PAK2: variants seen among roughly 807,000 people sequenced by gnomAD.
The protein encoded by PAK2 is p21 (RAC1) activated kinase 2.
In PAK2, 21 loss-of-function variants were observed where a neutral mutation model predicts 65.9. The ratio of observed to expected loss-of-function variants is 0.32; its 90% CI spans 0.23 to 0.46. The LOEUF (loss-of-function observed/expected upper bound fraction) is 0.46, where lower values mean the gene tolerates loss of function less well. Ranked by LOEUF, PAK2 falls within the 20% of genes least tolerant of loss-of-function variation. The pLI, the probability that PAK2 is intolerant of heterozygous loss-of-function variation, is 1.00. For synonymous variants in PAK2, 204 were observed against 219.7 expected (o/e 0.93, Z 0.63); for missense variants, 324 against 642.6 (o/e 0.50, Z 5.36).
At chr3:196,803,570 A>C (rs1715484706) in intron 4 of PAK2, among the ~76,000 whole-genome samples, 1 of 152,234 alleles carries the variant, frequency 6.6e-6, no homozygotes, top group Non-Finnish European at 1.5e-5. Flanking sequence ...GTTGAACTAA[A>C]AAATGTTTAG....
intron 1 of PAK2, among the ~76,000 whole-genome samples, chr3:196,778,236 G>C (rs1714597976): frequency 6.6e-6 from 1 of 151,994 alleles, no homozygotes; most frequent in African/African-American, 2.4e-5. Flanking sequence ...ACTTCTTTTT[G>C]CGGCCAAACA....
chr3:196,803,454 C>T (rs1461907731), intron 4 of PAK2, among the ~76,000 whole-genome samples: 2 of 151,856 alleles, frequency 1.3e-5, no homozygotes, highest in East Asian at 3.9e-4. Flanking sequence ...TTTCATTTTT[C>T]ACTCTTCACT....
chr3:196,825,598 G>T (rs776764202), intron 13 of PAK2, among the ~76,000 whole-genome samples: 1 of 145,832 alleles, frequency 6.9e-6, no homozygotes, highest in Non-Finnish European at 1.5e-5. Flanking sequence ...AGCTGAGATC[G>T]TGCCATTGCA....
intron 1 of PAK2, among the ~76,000 whole-genome samples, chr3:196,745,616 C>T (rs1713349594): frequency 6.6e-6 from 1 of 152,090 alleles, no homozygotes; most frequent in Non-Finnish European, 1.5e-5. Context: ...CAGTTGGAAA[C>T]AGCCTAACCA....
At chr3:196,773,450 A>C (rs1714423456) in intron 1 of PAK2, among the ~76,000 whole-genome samples, 1 of 152,182 alleles carries the variant, frequency 6.6e-6, no homozygotes, top group South Asian at 2.1e-4. Flanking sequence ...CAATTCACAC[A>C]CAAAAAATAC....
chr3:196,769,816 CAAAAAAGA>C (rs752494040), intron 1 of PAK2, among the ~76,000 whole-genome samples: 1 of 151,232 alleles, frequency 6.6e-6, no homozygotes, highest in African/African-American at 2.4e-5. Flanking sequence ...GACTCTGTCT[CAAAAAAGA>C]AAAAGAAAAA....
At chr3:196,817,089 T>A (rs1175397803) in intron 11 of PAK2, among the ~76,000 whole-genome samples, 1 of 152,056 alleles carries the variant, frequency 6.6e-6, no homozygotes, top group East Asian at 1.9e-4. Context: ...TTGAAAAGAT[T>A]TCTGAGGAGC....
At chr3:196,781,878 C>A (rs765402251) in intron 1 of PAK2, among the ~76,000 whole-genome samples, 1 of 151,988 alleles carries the variant, frequency 6.6e-6, no homozygotes, top group African/African-American at 2.4e-5. Flanking sequence ...CCAAGGTGGG[C>A]GGATCACCTG....
chr3:196,826,331 C>A (rs956388159), intron 13 of PAK2, among the ~76,000 whole-genome samples: 19 of 151,942 alleles, frequency 1.3e-4, no homozygotes, highest in African/African-American at 4.4e-4. Context: ...ACCACCACGC[C>A]CGGCTAATTT....
rs1303561196 is a variant in PAK2 at position 196,806,648 on chromosome 3, C to T, written c.538C>T (p.Pro180Ser). 1 of 1,612,744 alleles carries T rather than the reference C, an allele frequency of 6.2e-7. No homozygotes were observed. Among genetic ancestry groups the T allele is most frequent in the Non-Finnish European group, 8.5e-7 (1 of 1,178,794 alleles). Reference sequence around the variant, plus strand: ...GGAGGATGATGATGAAGAGACTGCTCCTCCCGTTATTGCCCCGCGACCGGA... The same window carrying T: ...GGAGGATGATGATGAAGAGACTGCTTCTCCCGTTATTGCCCCGCGACCGGA... ...EEEDDDEETAPPVIAPRPDHT... is the reference protein window; with the variant it reads ...EEEDDDEETASPVIAPRPDHT... The change falls in exon 6 of 15, where the codon CCT becomes TCT. Residue 180 changes from proline to serine, a missense_variant. Coordinates refer to ENST00000327134, the MANE Select transcript of PAK2 (RefSeq NM_002577.4).
chr3:196,767,790 G>A (rs1168409737), intron 1 of PAK2, among the ~76,000 whole-genome samples: 2 of 151,954 alleles, frequency 1.3e-5, no homozygotes, highest in Non-Finnish European at 2.9e-5. Flanking sequence ...CACCGTGCCC[G>A]GCTGAAATAC....
At chr3:196,773,270 T>G (rs1239510044) in intron 1 of PAK2, among the ~76,000 whole-genome samples, 3 of 152,238 alleles carry the variant, frequency 2.0e-5, no homozygotes, top group Admixed American at 2.0e-4. Context: ...CTCTTTTTTT[T>G]GTAAAACATT....
intron 13 of PAK2, among the ~76,000 whole-genome samples, chr3:196,824,761 T>C (rs1446309454): frequency 2.0e-5 from 3 of 151,694 alleles, no homozygotes; most frequent in Non-Finnish European, 4.4e-5. Context: ...CAGGAGGATC[T>C]CTTGACCCCA....
chr3:196,761,956 C>CAGCTGCCGGGT (rs1713988670), intron 1 of PAK2, among the ~76,000 whole-genome samples: 1 of 127,306 alleles, frequency 7.9e-6, no homozygotes, highest in Non-Finnish European at 1.7e-5. Flanking sequence ...AGCTGCCGGG[C>CAGCTGCCGGGT]GGAGGGGCTC....
intron 1 of PAK2, among the ~76,000 whole-genome samples, chr3:196,770,831 C>T (rs944317343): frequency 3.9e-5 from 6 of 151,956 alleles, no homozygotes; most frequent in Non-Finnish European, 8.8e-5. Context: ...CTATGTTGAC[C>T]AGGCTGGTCT....
At chr3:196,787,730 A>T (rs1228797898) in intron 2 of PAK2, among the ~76,000 whole-genome samples, 4 of 152,152 alleles carry the variant, frequency 2.6e-5, no homozygotes, top group African/African-American at 9.7e-5. Flanking sequence ...TCAGTCTCAG[A>T]GAGACAGAGA....
Position 196,820,693 on chromosome 3 carries a change from T to TAA in PAK2, c.1350+127_1350+128dup. Reference sequence around the variant, plus strand: ...GTTGATAAAACCTAATCTCTGCCCCTAACTCTGCATCTAGAAATCATTTGC... The same window carrying TAA: ...GTTGATAAAACCTAATCTCTGCCCCTAAAACTCTGCATCTAGAAATCATTTGC... On this transcript the variant is annotated intron_variant, in intron 13 of 14. Coordinates refer to ENST00000327134, the MANE Select transcript of PAK2 (RefSeq NM_002577.4). This position sits in a 1 kb window ranked among gnomAD's most constrained non-coding sequence, Gnocchi z 4.6. The TAA allele has an allele frequency of 2.1e-6, 1 of 472,712 alleles. No individual in the cohort carries two copies. Among genetic ancestry groups the TAA allele is most frequent in the Non-Finnish European group, 3.7e-6 (1 of 267,274 alleles). The allele number at this position is 472,712 out of a possible 1,614,324, so 29.3% of individuals were successfully genotyped here. A position where few individuals can be genotyped will look rare whatever the true frequency, so the allele number is the denominator to read the frequency against.
At chr3:196,775,043 T>C (rs1352950884) in intron 1 of PAK2, among the ~76,000 whole-genome samples, 1 of 152,210 alleles carries the variant, frequency 6.6e-6, no homozygotes, top group African/African-American at 2.4e-5. Flanking sequence ...GAGGCATCAG[T>C]ATTGTATCCA....
chr3:196,740,962 A>G (rs1713172095), intron 1 of PAK2, among the ~76,000 whole-genome samples: 1 of 152,168 alleles, frequency 6.6e-6, no homozygotes, highest in Non-Finnish European at 1.5e-5. Context: ...GTGAGGTTGT[A>G]CCCATCCTTG....
Sources: gnomAD v4.1 joint callset for allele counts (sites outside exome capture counted in the v4.1 genomes callset) on GRCh38, gnomAD v4.1.1 for gene constraint, Gnocchi (gnomAD v3.1) non-coding constraint, MANE v1.5 for transcripts, NCBI Gene and HGNC (gene_info 2026-07-23, HGNC 2026-07-21) for gene names.